Variants in SAMD12 observed in about 807,000 individuals in gnomAD.
SAMD12 encodes the protein sterile alpha motif domain containing 12, also known as sterile alpha motif domain-containing protein 12.
SAMD12 carries 9 observed loss-of-function variants against 15.0 expected under a neutral mutation model. The observed-to-expected ratio is 0.60, with a 90% confidence interval of 0.36 to 1.05. SAMD12 has a LOEUF of 1.05. Among genes scored for constraint, SAMD12 ranks in the 50% least tolerant of loss-of-function variants. SAMD12 has a pLI of 0.01. For missense variants in SAMD12, 230 were observed against 234.2 expected, an observed-to-expected ratio of 0.98 and a Z score of 0.12; for synonymous variants, 86 against 90.1, an observed-to-expected ratio of 0.96 and a Z score of 0.25.
At chr8:118,508,880 A>G (rs1824997211) in intron 2 of SAMD12, among the ~76,000 whole-genome samples, 1 of 152,192 alleles carries the variant, frequency 6.6e-6, no homozygotes, top group Non-Finnish European at 1.5e-5. Flanking sequence ...GCAACACTAA[A>G]AATGGAACTT....
chr8:118,599,771 T>C (rs760296579), intron 1 of SAMD12, among the ~76,000 whole-genome samples: 5 of 152,052 alleles, frequency 3.3e-5, no homozygotes, highest in Non-Finnish European at 5.9e-5. Flanking sequence ...TAGGAATTAG[T>C]GGGAAATAAT....
At chr8:118,217,081 G>C (rs1418778298) in intron 4 of SAMD12, among the ~76,000 whole-genome samples, 1 of 152,078 alleles carries the variant, frequency 6.6e-6, no homozygotes, top group Non-Finnish European at 1.5e-5. Flanking sequence ...TCGGCTCACT[G>C]CAACTTCTGC....
intron 2 of SAMD12, among the ~76,000 whole-genome samples, chr8:118,536,433 C>G (rs557430479): frequency 8.1e-6 from 1 of 123,156 alleles, no homozygotes; most frequent in East Asian, 2.1e-4. Flanking sequence ...GCTATGTAGA[C>G]TGATACACAA....
chr8:118,538,173 T>C (rs1318703950), intron 2 of SAMD12, among the ~76,000 whole-genome samples: 2 of 61,986 alleles, frequency 3.2e-5, no homozygotes, highest in Non-Finnish European at 9.1e-5. Flanking sequence ...TGTCTGTCTG[T>C]CTGTCTGTCT....
At chr8:118,485,023 G>T (rs1257480667) in intron 2 of SAMD12, among the ~76,000 whole-genome samples, 1 of 152,146 alleles carries the variant, frequency 6.6e-6, no homozygotes, top group African/African-American at 2.4e-5. Context: ...ATCTGTTCCT[G>T]TTTGTCTACA....
At chr8:118,297,904 T>C (rs1037004872) in intron 4 of SAMD12, among the ~76,000 whole-genome samples, 1 of 152,168 alleles carries the variant, frequency 6.6e-6, no homozygotes, top group Non-Finnish European at 1.5e-5. Flanking sequence ...GTGCTAATAA[T>C]AGAAAACAGC....
chr8:118,407,305 C>A (rs4376521), intron 3 of SAMD12, among the ~76,000 whole-genome samples: 5,422 of 151,420 alleles, frequency 0.036, 338 homozygotes, highest in African/African-American at 0.12. Flanking sequence ...TTTCCAATTT[C>A]TCCACATCCT....
At chr8:118,603,098 A>C (rs114097730) in intron 1 of SAMD12, among the ~76,000 whole-genome samples, 2 of 152,286 alleles carry the variant, frequency 1.3e-5, no homozygotes, top group African/African-American at 4.8e-5. Flanking sequence ...CAAATAAAAA[A>C]TAACAGATGA....
intron 4 of SAMD12, among the ~76,000 whole-genome samples, chr8:118,314,863 G>A (rs771508080): frequency 5.3e-5 from 8 of 152,056 alleles, no homozygotes; most frequent in East Asian, 1.9e-4. Context: ...CAAATAAAGC[G>A]GCTATGAACA....
At chr8:118,603,847 A>C (rs1486535620) in intron 1 of SAMD12, among the ~76,000 whole-genome samples, 1 of 152,196 alleles carries the variant, frequency 6.6e-6, no homozygotes, top group African/African-American at 2.4e-5. Flanking sequence ...CTAATATATG[A>C]ATATATTGGA....
chr8:118,499,835 T>A (rs941765048), intron 2 of SAMD12, among the ~76,000 whole-genome samples: 3 of 152,164 alleles, frequency 2.0e-5, no homozygotes, highest in African/African-American at 7.2e-5. Context: ...CCCCAACTTC[T>A]TAGTCCTCAA....
At chr8:118,439,190 C>A (rs1240793564) in intron 3 of SAMD12, among the ~76,000 whole-genome samples, 1 of 152,154 alleles carries the variant, frequency 6.6e-6, no homozygotes, top group Non-Finnish European at 1.5e-5. Flanking sequence ...ATTTGAATAC[C>A]CTTGATCTAA....
chr8:118,519,274 A>T (rs1167003538), intron 2 of SAMD12, among the ~76,000 whole-genome samples: 1 of 152,220 alleles, frequency 6.6e-6, no homozygotes, highest in East Asian at 1.9e-4. Flanking sequence ...TTCCAGCTAC[A>T]TTCAACACAT....
intron 2 of SAMD12, among the ~76,000 whole-genome samples, chr8:118,539,998 AG>A (rs1419661545): frequency 6.6e-6 from 1 of 152,226 alleles, no homozygotes; most frequent in Non-Finnish European, 1.5e-5. Context: ...GGAGTACTAT[AG>A]GATACCACCC....
chr8:118,168,462 A>T, the SAMD12 span, among the ~76,000 whole-genome samples: 1 of 152,222 alleles, frequency 6.6e-6, no homozygotes, highest in South Asian at 2.1e-4. Flanking sequence ...CTGTTTATTA[A>T]AAGTTTAGTG....
the SAMD12 span, among the ~76,000 whole-genome samples, chr8:118,141,732 T>C: frequency 6.6e-6 from 1 of 152,224 alleles, no homozygotes; most frequent in African/African-American, 2.4e-5. Flanking sequence ...CAGAGCATCT[T>C]TCTATTTAAT....
chr8:118,603,520 C>T (rs1305903056), intron 1 of SAMD12, among the ~76,000 whole-genome samples: 1 of 152,140 alleles, frequency 6.6e-6, no homozygotes, highest in African/African-American at 2.4e-5. Flanking sequence ...AAGTTTAAAG[C>T]CAGTCAACTT....
intron 2 of SAMD12, among the ~76,000 whole-genome samples, chr8:118,456,354 G>GT (rs2130926567): frequency 6.6e-6 from 1 of 152,258 alleles, no homozygotes. Context: ...TCCCCAAGAT[G>GT]TTTTTAACAC....
chr8:118,258,786 C>T (rs1813011320), intron 4 of SAMD12, among the ~76,000 whole-genome samples: 1 of 152,072 alleles, frequency 6.6e-6, no homozygotes, highest in African/African-American at 2.4e-5. Context: ...ATAGGTAACA[C>T]CATAAAGTGA....
Sources: allele counts gnomAD v4.1 joint callset (sites outside exome capture counted in the v4.1 genomes callset), GRCh38; gene constraint gnomAD v4.1.1; transcripts MANE v1.5; gene names NCBI Gene and HGNC (gene_info 2026-07-23, HGNC 2026-07-21).